Variants in C1QTNF7 observed in about 807,000 individuals in gnomAD.
C1QTNF7 encodes the protein complement C1q tumor necrosis factor-related protein 7.
A neutral mutation model predicts 19.6 loss-of-function variants in C1QTNF7; 15 were observed. The ratio of observed to expected loss-of-function variants is 0.76; its 90% CI spans 0.51 to 1.18. The LOEUF (loss-of-function observed/expected upper bound fraction) is 1.18. C1QTNF7 is among the 50% of genes most tolerant of loss of function. C1QTNF7 has a pLI of 0.00. For synonymous variants in C1QTNF7, 142 were observed against 137.5 expected (o/e 1.03, Z -0.23); for missense variants, 324 against 359.7 (o/e 0.90, Z 0.80).
intron 1 of C1QTNF7, among the ~76,000 whole-genome samples, chr4:15,363,440 C>A (rs1717410147): frequency 6.6e-6 from 1 of 152,166 alleles, no homozygotes; most frequent in South Asian, 2.1e-4. Context: ...CACAAGACAT[C>A]TACTCTACCT....
chr4:15,344,943 G>A (rs1476201250), intron 1 of C1QTNF7, among the ~76,000 whole-genome samples: 1 of 152,174 alleles, frequency 6.6e-6, no homozygotes, highest in Non-Finnish European at 1.5e-5. Context: ...TGCTGTGAAT[G>A]GTAGTTATTC....
intron 1 of C1QTNF7, among the ~76,000 whole-genome samples, chr4:15,387,059 A>G (rs534941968): frequency 2.4e-4 from 36 of 152,308 alleles, no homozygotes; most frequent in Admixed American, 1.2e-3. Context: ...AGGTGGCAGC[A>G]GTAGGTATGG....
intron 1 of C1QTNF7, among the ~76,000 whole-genome samples, chr4:15,350,355 G>A (rs1013007870): frequency 5.2e-5 from 3 of 57,312 alleles, no homozygotes; most frequent in African/African-American, 3.2e-4. Context: ...AGGGAGGGAG[G>A]GAGGAAGGAA....
rs547121171 is a variant in C1QTNF7 at position 15,398,015 on chromosome 4, C to A, written c.14-37721C>A. Among the ~76,000 whole-genome samples, 538 of 152,302 alleles carry A rather than the reference C, an allele frequency of 3.5e-3. 3 individuals are homozygous for A. The highest frequency in any genetic ancestry group is 0.012 in the African/African-American group (515 of 41,558). ...TTCCTAAACCAGACCCACAAAGGAA[C>A]GCAGCCACAATTTCAGTCTTTCTTG... is the stretch of plus-strand genomic sequence containing the variant. On this transcript the variant is annotated intron_variant, in intron 1 of 2. Coordinates refer to the C1QTNF7 transcript ENST00000295297.
chr4:15,390,993 G>A (rs979224079), intron 1 of C1QTNF7, among the ~76,000 whole-genome samples: 1 of 152,114 alleles, frequency 6.6e-6, no homozygotes, highest in Admixed American at 6.5e-5. Flanking sequence ...TCAATTGAAA[G>A]CAATGGAACA....
chr4:15,419,570 G>A (rs567003028), intron 1 of C1QTNF7, among the ~76,000 whole-genome samples: 2 of 152,236 alleles, frequency 1.3e-5, no homozygotes, highest in Non-Finnish European at 2.9e-5. Flanking sequence ...AGAAACTAAA[G>A]TGGTAACAGT....
chr4:15,419,192 G>C (rs1025267221), intron 1 of C1QTNF7, among the ~76,000 whole-genome samples: 6 of 152,108 alleles, frequency 3.9e-5, no homozygotes, highest in African/African-American at 1.4e-4. Flanking sequence ...TACCAAAAAA[G>C]ACATAAAACA....
intron 1 of C1QTNF7, among the ~76,000 whole-genome samples, chr4:15,431,439 C>T (rs927312389): frequency 3.3e-5 from 5 of 152,134 alleles, no homozygotes; most frequent in Admixed American, 1.3e-4. Flanking sequence ...ATTGACTTAT[C>T]GTTGCATACT....
At position 15,422,077 on chromosome 4, in the gene C1QTNF7, G is replaced by A. The variant is rs186784428; in HGVS notation, c.14-13659G>A. 4.3e-3 allele frequency among the ~76,000 whole-genome samples: 661 copies of A among 152,164 alleles called. 2 individuals carry two copies. Among genetic ancestry groups the A allele is most frequent in the Non-Finnish European group, 6.9e-3 (468 of 67,986 alleles). On this transcript the variant is annotated intron_variant, in intron 1 of 2. Coordinates refer to the C1QTNF7 transcript ENST00000295297. ...CATAAGGGAACATTTTGGAGGGAAT[G>A]GAAATGCTCTGTATCTCTTTTTTAG...
intron 1 of C1QTNF7, among the ~76,000 whole-genome samples, chr4:15,395,348 G>A (rs999487552): frequency 2.0e-5 from 3 of 152,100 alleles, no homozygotes; most frequent in Non-Finnish European, 4.4e-5. Context: ...TGGTGTTTTT[G>A]CATTTAAAAA....
chr4:15,411,489 C>T (rs1160099242), intron 1 of C1QTNF7, among the ~76,000 whole-genome samples: 3 of 152,184 alleles, frequency 2.0e-5, no homozygotes, highest in African/African-American at 7.2e-5. Context: ...AGTCAGCCTG[C>T]ATTCCTAGAG....
At chr4:15,385,651 G>C (rs952499807) in intron 1 of C1QTNF7, among the ~76,000 whole-genome samples, 1 of 152,164 alleles carries the variant, frequency 6.6e-6, no homozygotes, top group Non-Finnish European at 1.5e-5. Flanking sequence ...CAACAGAAGA[G>C]TGACTGACAG....
At chr4:15,421,687 T>G (rs1276584353) in intron 1 of C1QTNF7, among the ~76,000 whole-genome samples, 1 of 152,212 alleles carries the variant, frequency 6.6e-6, no homozygotes, top group Non-Finnish European at 1.5e-5. Flanking sequence ...TGTGTGACCT[T>G]GGGCCAGTTC....
intron 1 of C1QTNF7, among the ~76,000 whole-genome samples, chr4:15,354,214 A>T (rs1717046071): frequency 6.6e-6 from 1 of 152,094 alleles, no homozygotes; most frequent in African/African-American, 2.4e-5. Context: ...GAAAGGAAAG[A>T]CTCACACAGA....
At chr4:15,401,630 A>T (rs139985843) in intron 1 of C1QTNF7, among the ~76,000 whole-genome samples, 1 of 152,382 alleles carries the variant, frequency 6.6e-6, no homozygotes, top group East Asian at 1.9e-4. Context: ...GAACACAGAG[A>T]TCAGTTCTCT....
rs949947244 is a variant in C1QTNF7 at position 15,357,060 on chromosome 4, G to C, written c.13+16853G>C. ...ATTCTGTAGGTTGCCTGTTCACTCT[G>C]ATGATAGTTTCTTTTGCTGTGCAGA... On this transcript the variant is annotated intron_variant, in intron 1 of 2. Transcript: ENST00000295297. 3.3e-5 allele frequency among the ~76,000 whole-genome samples: 5 copies of C among 151,216 alleles called. No homozygotes were observed. In the East Asian group the frequency reaches 9.7e-4, roughly 29 times the overall value.
exon 1 of C1QTNF7, chr4:15,339,978 G>A: frequency 3.2e-6 from 2 of 632,222 alleles, no homozygotes; most frequent in South Asian, 3.9e-5. Context: ...AAAGACAGTT[G>A]CAAAACTTCG....
At chr4:15,413,378 A>G (rs1719475843) in intron 1 of C1QTNF7, among the ~76,000 whole-genome samples, 1 of 152,234 alleles carries the variant, frequency 6.6e-6, no homozygotes, top group Admixed American at 6.5e-5. Flanking sequence ...TAAGAAATGG[A>G]TAACACTCCT....
In C1QTNF7 at chr4:15,442,212, G is replaced by C; in HGVS notation, c.283G>C (p.Gly95Arg). 6.2e-7 allele frequency: 1 copy of C among 1,613,466 alleles called. No homozygotes were observed. The highest frequency in any genetic ancestry group is 1.1e-5 in the South Asian group (1 of 90,966). ...ACCGCTAGGTCTTGCCGGTGAGAAA[G>C]GGGACCAAGGAGAGACTGGGAAGAA... is the stretch of plus-strand genomic sequence containing the variant. ...TGPLGLAGEK[G>R]DQGETGKKGP... Residue 95 changes from glycine (G) to arginine (R), a missense_variant, in exon 3 of 3, where the codon GGG (glycine) becomes CGG (arginine). Physicochemically the swap from Gly to Arg is moderately radical, Grantham distance 125. Transcript: ENST00000444304.
Sources: gnomAD v4.1 joint callset for allele counts (sites outside exome capture counted in the v4.1 genomes callset) on GRCh38, gnomAD v4.1.1 for gene constraint, MANE v1.5 for transcripts, NCBI Gene and HGNC (gene_info 2026-07-23, HGNC 2026-07-21) for gene names.